Variants in LRRFIP1 observed in about 807,000 individuals in gnomAD.
The protein encoded by LRRFIP1 is LRR binding FLII interacting protein 1.
In LRRFIP1, 62 loss-of-function variants were observed where a neutral mutation model predicts 104.4. The observed-to-expected ratio is 0.59, with a 90% CI of 0.48 to 0.73. The LOEUF is 0.73. LRRFIP1 is among the 30% of genes least tolerant of loss of function. The probability of loss-of-function intolerance (pLI) is 0.00; values close to 1 mark genes in which losing one functional copy is unlikely to be tolerated. For missense variants in LRRFIP1, 796 were observed against 824.5 expected (o/e 0.97, Z 0.42); for synonymous variants, 300 against 299.0 (o/e 1.00, Z -0.03).
At chr2:237,721,048 A>G in intron 6 of LRRFIP1, 3 of 500,322 alleles carry the variant, frequency 6.0e-6, no homozygotes, top group Non-Finnish European at 1.1e-5. Flanking sequence ...TTCTCCCGAG[A>G]TGAAGTCATC....
At chr2:237,722,343 T>TAA (rs926868516) in intron 6 of LRRFIP1, among the ~76,000 whole-genome samples, 1 of 152,164 alleles carries the variant, frequency 6.6e-6, no homozygotes, top group Non-Finnish European at 1.5e-5. Flanking sequence ...TGTGTGCACT[T>TAA]ACATTTTCCT....
chr2:237,774,494 A>G, intron 23 of LRRFIP1, 32 bp downstream of exon 23: 14 of 1,407,694 alleles, frequency 9.9e-6, no homozygotes, highest in Non-Finnish European at 1.4e-5. Context: ...TAGGAAGAGA[A>G]TGGCTGCCAG....
chr2:237,768,660 AT>A (rs1382624735), intron 19 of LRRFIP1: 1 of 152,210 alleles, frequency 6.6e-6, no homozygotes, highest in African/African-American at 2.4e-5. Context: ...AGGATGATAA[AT>A]TTAATTTATA....
At chr2:237,651,495 C>T (rs541636279) in intron 1 of LRRFIP1, among the ~76,000 whole-genome samples, 74 of 152,308 alleles carry the variant, frequency 4.9e-4, no homozygotes, top group Non-Finnish European at 9.0e-4. Context: ...GGGTGTTCTG[C>T]CTCCTACACC....
intron 1 of LRRFIP1, among the ~76,000 whole-genome samples, chr2:237,698,503 C>T (rs2093330482): frequency 6.6e-6 from 1 of 152,250 alleles, no homozygotes; most frequent in South Asian, 2.1e-4. Flanking sequence ...GACTTGTCTG[C>T]CAGGTCCCCC....
At chr2:237,722,365 G>A (rs771934234) in intron 6 of LRRFIP1, among the ~76,000 whole-genome samples, 4 of 152,168 alleles carry the variant, frequency 2.6e-5, no homozygotes, top group African/African-American at 4.8e-5. Context: ...GGAAAAGAAT[G>A]TTCAGTTTCT....
intron 19 of LRRFIP1, chr2:237,764,603 T>C (rs538290243): frequency 1.0e-6 from 1 of 996,632 alleles, no homozygotes; most frequent in Non-Finnish European, 1.2e-6. Flanking sequence ...TATTTGATTT[T>C]AAAATGTACA....
chr2:237,749,944 C>A (rs944302962), intron 13 of LRRFIP1, among the ~76,000 whole-genome samples: 1 of 152,164 alleles, frequency 6.6e-6, no homozygotes, highest in Non-Finnish European at 1.5e-5. Flanking sequence ...AGGGACAGTG[C>A]ATCTGAAAAC....
chr2:237,779,544 G>C lies in LRRFIP1; in HGVS notation c.*12G>C. 6.2e-7 allele frequency: 1 copy of C among 1,605,972 alleles called. No homozygotes were observed. The highest frequency in any genetic ancestry group is 8.5e-7 in the Non-Finnish European group (1 of 1,173,028). On this transcript the variant is annotated 3_prime_UTR_variant, in exon 24 of 24. Coordinates refer to ENST00000308482, the MANE Select transcript of LRRFIP1 (RefSeq NM_001137550.2). ...TGTCCCAGCAGTAAATTCCAGCTCT[G>C]ATCAGGCAACTGGTTGGTGACTGGA...
At chr2:237,641,733 G>T (rs905542842) in intron 1 of LRRFIP1, among the ~76,000 whole-genome samples, 1 of 151,992 alleles carries the variant, frequency 6.6e-6, no homozygotes, top group Admixed American at 6.5e-5. Context: ...CCAATAGCTT[G>T]TTTTTTTAAA....
chr2:237,764,060 C>T (rs3739038), intron 19 of LRRFIP1: 1 of 1,613,920 alleles, frequency 6.2e-7, no homozygotes. Flanking sequence ...AGAGCCAGGG[C>T]ACTTCAATCC....
At chr2:237,698,299 T>C (rs1016977516) in intron 1 of LRRFIP1, among the ~76,000 whole-genome samples, 1 of 152,212 alleles carries the variant, frequency 6.6e-6, no homozygotes, top group African/African-American at 2.4e-5. Context: ...CCTACTTCTT[T>C]AATGAGGGCT....
chr2:237,720,338 C>T (rs1366231512), intron 5 of LRRFIP1, among the ~76,000 whole-genome samples: 1 of 151,906 alleles, frequency 6.6e-6, no homozygotes, highest in Non-Finnish European at 1.5e-5. Flanking sequence ...ATGTCTGCCT[C>T]GTGGGTCCAA....
At chr2:237,713,067 A>AG (rs144414644) in intron 2 of LRRFIP1, among the ~76,000 whole-genome samples, 1,822 of 151,712 alleles carry the variant, frequency 0.012, 31 homozygotes, top group East Asian at 0.047. Flanking sequence ...GGTTTTCTTG[A>AG]GGGGGCCGCT....
chr2:237,679,925 G>GA (rs1187398943), intron 1 of LRRFIP1, among the ~76,000 whole-genome samples: 3 of 152,026 alleles, frequency 2.0e-5, no homozygotes, highest in African/African-American at 7.2e-5. Flanking sequence ...TTAAATAATG[G>GA]AAAAAATGAT....
At chr2:237,764,841 TTTAAC>T in intron 19 of LRRFIP1, 1 of 985,876 alleles carries the variant, frequency 1.0e-6, no homozygotes, top group Non-Finnish European at 1.2e-6. Flanking sequence ...TGTAAGAGAT[TTTAAC>T]TTCACTTCAT....
chr2:237,630,688 G>C (rs564782025), intron 1 of LRRFIP1, among the ~76,000 whole-genome samples: 1 of 152,346 alleles, frequency 6.6e-6, no homozygotes, highest in South Asian at 2.1e-4. Flanking sequence ...TTGACAAGGG[G>C]AAGTATATTG....
chr2:237,696,742 A>G (rs2093210818), intron 1 of LRRFIP1, among the ~76,000 whole-genome samples: 2 of 152,224 alleles, frequency 1.3e-5, no homozygotes, highest in African/African-American at 4.8e-5. Context: ...ACTGTATGCA[A>G]TGCTGCAGGC....
chr2:237,736,824 A>G (rs910708542), intron 10 of LRRFIP1, among the ~76,000 whole-genome samples: 7 of 152,208 alleles, frequency 4.6e-5, no homozygotes, highest in African/African-American at 1.4e-4. Flanking sequence ...GAAGGGACAA[A>G]GAAGTTCCTG....
Sources: gnomAD v4.1 joint callset for allele counts (sites outside exome capture counted in the v4.1 genomes callset) on GRCh38, gnomAD v4.1.1 for gene constraint, MANE v1.5 for transcripts, NCBI Gene and HGNC (gene_info 2026-07-23, HGNC 2026-07-21) for gene names.